Variants in GADL1 observed in about 807,000 individuals in gnomAD.
GADL1 encodes GAD like acidic amino acid decarboxylase 1, also known as acidic amino acid decarboxylase GADL1.
Under a neutral mutation model 69.5 loss-of-function variants are expected in GADL1, and 71 were observed. That is an observed-to-expected ratio of 1.02 (90% CI 0.84 to 1.25). The LOEUF (loss-of-function observed/expected upper bound fraction) is 1.25, where lower values mean the gene tolerates loss of function less well. Among genes scored for constraint, GADL1 ranks in the 50% most tolerant of loss-of-function variants. The pLI is 0.00. For missense variants in GADL1, 737 were observed against 631.8 expected (o/e 1.17, Z -1.79); for synonymous variants, 254 against 214.4 (o/e 1.18, Z -1.62).
chr3:30,813,138 T>A (rs1485248182), intron 11 of GADL1, among the ~76,000 whole-genome samples: 1 of 152,148 alleles, frequency 6.6e-6, no homozygotes, highest in Non-Finnish European at 1.5e-5. Context: ...TCAGTAGTCA[T>A]TTGCTCCTTC....
chr3:30,740,080 C>G (rs1448029111), intron 14 of GADL1, among the ~76,000 whole-genome samples: 1 of 152,222 alleles, frequency 6.6e-6, no homozygotes, highest in East Asian at 1.9e-4. Flanking sequence ...CAGGGGGCTA[C>G]AGGCTACAGA....
intron 11 of GADL1, among the ~76,000 whole-genome samples, chr3:30,831,615 A>G (rs1248430640): frequency 6.6e-6 from 1 of 151,992 alleles, no homozygotes; most frequent in African/African-American, 2.4e-5. Flanking sequence ...TTAATTTTTT[A>G]AATTTAGGGT....
chr3:30,771,355 A>C (rs1011292138), intron 14 of GADL1, among the ~76,000 whole-genome samples: 16 of 152,304 alleles, frequency 1.1e-4, no homozygotes, highest in African/African-American at 3.8e-4. Context: ...TCTCTACCTG[A>C]CAGAATACTT....
intron 11 of GADL1, among the ~76,000 whole-genome samples, chr3:30,802,852 C>A (rs1503093): frequency 6.6e-6 from 1 of 152,066 alleles, no homozygotes; most frequent in Non-Finnish European, 1.5e-5. Flanking sequence ...GTAATCCCAA[C>A]GCTTTGGAGG....
intron 1 of GADL1, among the ~76,000 whole-genome samples, chr3:30,883,181 T>C (rs1313724598): frequency 6.6e-6 from 1 of 152,000 alleles, no homozygotes; most frequent in Non-Finnish European, 1.5e-5. Flanking sequence ...ATTTTTGCTT[T>C]TGTTGCCTGT....
rs1695364264 is a variant in GADL1 at position 30,726,202 on chromosome 3, T to C, written c.*2040A>G. ...CTAAACAAGAGAGTCCACTCTTTGC[T>C]ATAACTGCTTTTTCCATTTTATTCA... is the stretch of plus-strand genomic sequence containing the variant. On this transcript the variant is annotated 3_prime_UTR_variant, in exon 15 of 15. Transcript: ENST00000282538. The C allele has an allele frequency of 6.6e-6, 1 of 152,178 alleles. No individual in the cohort carries two copies. The highest frequency in any genetic ancestry group is 1.9e-4 in the East Asian group (1 of 5,196). 9.4% of individuals were successfully genotyped at this position (152,178 alleles called of 1,614,324 possible).
intron 6 of GADL1, among the ~76,000 whole-genome samples, chr3:30,845,042 G>A (rs1698031910): frequency 6.6e-6 from 1 of 152,088 alleles, no homozygotes; most frequent in Admixed American, 6.5e-5. Context: ...ATTTCCTAGA[G>A]CAAACAATGA....
chr3:30,865,395 C>T (rs532874853), intron 1 of GADL1, among the ~76,000 whole-genome samples: 180 of 151,856 alleles, frequency 1.2e-3, no homozygotes, highest in Non-Finnish European at 1.2e-3. Flanking sequence ...ATTTCCATAG[C>T]ACCCAGAAAG....
At chr3:30,770,200 A>G (rs973037234) in intron 14 of GADL1, among the ~76,000 whole-genome samples, 1 of 152,122 alleles carries the variant, frequency 6.6e-6, no homozygotes, top group Non-Finnish European at 1.5e-5. Context: ...CTACTTGTCT[A>G]GCTTCTATAC....
At chr3:30,816,530 CTT>C (rs773530741) in intron 11 of GADL1, among the ~76,000 whole-genome samples, 10 of 53,976 alleles carry the variant, frequency 1.9e-4, no homozygotes, top group African/African-American at 4.5e-4. Context: ...AATTTGTTTT[CTT>C]TTTTTTTTTT....
At chr3:30,780,144 G>GGC (rs1696627109) in intron 13 of GADL1, among the ~76,000 whole-genome samples, 1 of 152,184 alleles carries the variant, frequency 6.6e-6, no homozygotes, top group African/African-American at 2.4e-5. Context: ...TCAAAGGAGA[G>GGC]AGATGCCAGC....
chr3:30,870,334 A>G (rs1698463059), intron 1 of GADL1, among the ~76,000 whole-genome samples: 1 of 151,820 alleles, frequency 6.6e-6, no homozygotes, highest in Non-Finnish European at 1.5e-5. Context: ...CACGAAAGAT[A>G]TGGAAAGAGA....
chr3:30,826,310 CT>C (rs774003280), intron 11 of GADL1, among the ~76,000 whole-genome samples: 2 of 151,772 alleles, frequency 1.3e-5, no homozygotes, highest in Admixed American at 6.6e-5. Flanking sequence ...ATTTTTCTTT[CT>C]GGTTATTTTT....
intron 14 of GADL1, among the ~76,000 whole-genome samples, chr3:30,758,294 C>G (rs953085050): frequency 2.0e-5 from 3 of 152,182 alleles, no homozygotes; most frequent in Non-Finnish European, 4.4e-5. Context: ...GAGCACTCCA[C>G]TCTCTGAAAG....
chr3:30,761,171 T>C (rs1243347467), intron 14 of GADL1, among the ~76,000 whole-genome samples: 1 of 152,214 alleles, frequency 6.6e-6, no homozygotes, highest in African/African-American at 2.4e-5. Context: ...TTTAATAAAA[T>C]TCCAGCTTTC....
At chr3:30,780,968 C>CAA (rs1339413452) in intron 13 of GADL1, among the ~76,000 whole-genome samples, 2 of 152,140 alleles carry the variant, frequency 1.3e-5, no homozygotes, top group Non-Finnish European at 2.9e-5. Context: ...AAAGAGACTT[C>CAA]AAAGCACTAA....
At chr3:30,732,057 A>G (rs373570510) in intron 14 of GADL1, among the ~76,000 whole-genome samples, 1 of 152,200 alleles carries the variant, frequency 6.6e-6, no homozygotes, top group Non-Finnish European at 1.5e-5. Flanking sequence ...GCACGTTCTC[A>G]CTAACAGTCA....
rs538830359 is a variant in GADL1 at position 30,786,119 on chromosome 3, AATT to A, written c.1302+233_1302+235del. On this transcript the variant is annotated intron_variant, in intron 13 of 14. Transcript: ENST00000282538. ...TAATTTATTCAATATTATCCTTGGT[AATT>A]ATTATTGAGCATTTTAATTTTCAAT... Among the ~76,000 whole-genome samples, 136 of 152,358 alleles carry A rather than the reference AATT, an allele frequency of 8.9e-4. No individual in the cohort carries two copies. The South Asian group carries it at 9.1e-3, about 10-fold the overall frequency.
chr3:30,821,421 A>G (rs929478557), intron 11 of GADL1, among the ~76,000 whole-genome samples: 7 of 152,130 alleles, frequency 4.6e-5, no homozygotes, highest in African/African-American at 1.7e-4. Flanking sequence ...TTTTTTATAC[A>G]CACGGCAGAG....
Sources: allele counts gnomAD v4.1 joint callset (sites outside exome capture counted in the v4.1 genomes callset), GRCh38; gene constraint gnomAD v4.1.1; transcripts MANE v1.5; gene names NCBI Gene and HGNC (gene_info 2026-07-23, HGNC 2026-07-21).